VWA3B: variants seen among roughly 807,000 people sequenced by gnomAD.
The protein encoded by VWA3B is von Willebrand factor A domain-containing protein 3B.
A neutral mutation model predicts 158.3 loss-of-function variants in VWA3B; 138 were observed. The ratio of observed to expected loss-of-function variants is 0.87; its 90% CI spans 0.76 to 1.00. VWA3B has a LOEUF of 1.00. Among genes scored for constraint, VWA3B ranks in the 50% least tolerant of loss-of-function variants. The probability of loss-of-function intolerance (pLI) is 0.00; values close to 1 mark genes in which losing one functional copy is unlikely to be tolerated. For missense variants in VWA3B, 1,555 were observed against 1,565.1 expected, an observed-to-expected ratio of 0.99 and a Z score of 0.11; for synonymous variants, 596 against 587.3, an observed-to-expected ratio of 1.01 and a Z score of -0.21.
In VWA3B at chr2:98,119,745, C is replaced by G. The variant is rs763569152; in HGVS notation, c.524C>G (p.Thr175Ser). 2 of 1,613,940 alleles carry G rather than the reference C, an allele frequency of 1.2e-6. No individual in the cohort carries two copies. The highest frequency in any genetic ancestry group is 1.1e-5 in the South Asian group (1 of 91,062). ...CTCCAGGAGCAGGTGGCTCACATAA[C>G]CGAGTTCAATATCATACGGTGAGTT... ...MVLQEQVAHI[T>S]EFNIIRVSQE... The change falls in exon 4 of 28, where the codon ACC (threonine) becomes AGC (serine). Residue 175 changes from threonine (T) to serine (S), a missense_variant. Thr to Ser is a moderately conservative substitution (Grantham distance 58). Transcript: ENST00000477737.
intron 17 of VWA3B, among the ~76,000 whole-genome samples, chr2:98,235,004 T>C (rs1685582854): frequency 6.6e-6 from 1 of 152,194 alleles, no homozygotes; most frequent in Admixed American, 6.5e-5. Context: ...CTCACATAAC[T>C]ATGGTCATGC....
chr2:98,167,901 A>C (rs2105277000), intron 8 of VWA3B, among the ~76,000 whole-genome samples: 1 of 152,336 alleles, frequency 6.6e-6, no homozygotes, highest in South Asian at 2.1e-4. Flanking sequence ...AATTAGCTTT[A>C]AATTGAGCAC....
intron 8 of VWA3B, among the ~76,000 whole-genome samples, chr2:98,178,080 T>C (rs537000237): frequency 6.6e-6 from 1 of 152,322 alleles, no homozygotes; most frequent in East Asian, 1.9e-4. Context: ...CAAGGGTTTC[T>C]CCAAGGAGGC....
At chr2:98,310,127 C>G (rs1690798045) in intron 26 of VWA3B, among the ~76,000 whole-genome samples, 1 of 152,156 alleles carries the variant, frequency 6.6e-6, no homozygotes, top group Non-Finnish European at 1.5e-5. Context: ...AGTCTAAGAC[C>G]CCCCACCGGG....
intron 12 of VWA3B, among the ~76,000 whole-genome samples, chr2:98,196,109 A>G (rs969282187): frequency 7.9e-5 from 12 of 152,322 alleles, no homozygotes; most frequent in African/African-American, 2.6e-4. Context: ...ACCAGAGACT[A>G]GGAGCAGGGT....
intron 19 of VWA3B, among the ~76,000 whole-genome samples, chr2:98,239,160 T>C (rs1685899897): frequency 6.6e-6 from 1 of 152,178 alleles, no homozygotes; most frequent in Admixed American, 6.5e-5. Context: ...CCCAGCGAAT[T>C]CATATATTAC....
chr2:98,212,125 A>G (rs1683579784), intron 13 of VWA3B, 97 bp downstream of exon 13: 1 of 967,522 alleles, frequency 1.0e-6, no homozygotes, highest in Non-Finnish European at 1.6e-6. Flanking sequence ...GCCACCAAAA[A>G]TCTGTGGACA....
chr2:98,163,349 C>G (rs1012211681), intron 8 of VWA3B, among the ~76,000 whole-genome samples: 13 of 152,106 alleles, frequency 8.5e-5, no homozygotes, highest in African/African-American at 3.1e-4. Flanking sequence ...ACCATCCTGG[C>G]CAACATGGTG....
In VWA3B at chr2:98,118,553, A is replaced by C. The variant is rs566102322; in HGVS notation, c.292-960A>C. ...ACCGGGCCAATCAGATAGTAAAGAG[A>C]GCTCACTAAAAAGCTAATTAGGCAA... On this transcript the variant is annotated intron_variant, in intron 3 of 27. Coordinates refer to ENST00000477737, the MANE Select transcript of VWA3B (RefSeq NM_144992.5). Among the ~76,000 whole-genome samples, 11 of 152,270 alleles carry C rather than the reference A, an allele frequency of 7.2e-5. No homozygotes were observed. In the East Asian group the frequency reaches 2.1e-3, roughly 29 times the overall value.
chr2:98,140,104 G>C lies in VWA3B; in HGVS notation c.988+6165G>C, dbSNP rs202139389. Among the ~76,000 whole-genome samples the C allele has an allele frequency of 5.9e-5, 9 of 152,168 alleles. No homozygotes were observed. In the East Asian group the frequency reaches 1.4e-3, roughly 23 times the overall value. ...AGCCAGCGAGACCACGAACCCACCAGAAGGAAGAAACTCCGAACACATCCG... is the reference window on the plus strand; with the variant it reads ...AGCCAGCGAGACCACGAACCCACCACAAGGAAGAAACTCCGAACACATCCG... On this transcript the variant is annotated intron_variant, in intron 7 of 27. Coordinates refer to ENST00000477737, the MANE Select transcript of VWA3B (RefSeq NM_144992.5).
intron 22 of VWA3B, among the ~76,000 whole-genome samples, chr2:98,273,224 T>C (rs1159095901): frequency 6.6e-6 from 1 of 152,260 alleles, no homozygotes; most frequent in African/African-American, 2.4e-5. Context: ...CAAGTGATAC[T>C]GGTTTAGCCT....
rs2104955413 is a variant in VWA3B at position 98,119,121 on chromosome 2, A to T, written c.292-392A>T. 2.0e-5 allele frequency among the ~76,000 whole-genome samples: 3 copies of T among 152,280 alleles called. 1 individual carries two copies. In the South Asian group the frequency reaches 6.2e-4, roughly 32 times the overall value. Reference sequence around the variant, plus strand: ...TGGCATGTTCAGTAGCATTTTCAGAAATATTTTTGGAATGTTATGTTTAGG... The same window carrying T: ...TGGCATGTTCAGTAGCATTTTCAGATATATTTTTGGAATGTTATGTTTAGG... On this transcript the variant is annotated intron_variant, in intron 3 of 27. Coordinates refer to ENST00000477737, the MANE Select transcript of VWA3B (RefSeq NM_144992.5).
chr2:98,233,837 T>C (rs1011874378), intron 16 of VWA3B, among the ~76,000 whole-genome samples: 1 of 152,216 alleles, frequency 6.6e-6, no homozygotes, highest in Non-Finnish European at 1.5e-5. Context: ...AACTAGGTAC[T>C]TCTAAAGCCT....
At chr2:98,176,593 G>T (rs902932384) in intron 8 of VWA3B, among the ~76,000 whole-genome samples, 1 of 151,430 alleles carries the variant, frequency 6.6e-6, no homozygotes, top group African/African-American at 2.4e-5. Context: ...CTCCCCATGT[G>T]GTGGCCAAGA....
intron 8 of VWA3B, among the ~76,000 whole-genome samples, chr2:98,174,762 G>A (rs1401169148): frequency 6.6e-6 from 1 of 152,164 alleles, no homozygotes; most frequent in Non-Finnish European, 1.5e-5. Context: ...AGGGCCCTAA[G>A]CTCTCATCTT....
At chr2:98,173,673 AT>A (rs1264735285) in intron 8 of VWA3B, among the ~76,000 whole-genome samples, 1 of 152,248 alleles carries the variant, frequency 6.6e-6, no homozygotes, top group East Asian at 1.9e-4. Flanking sequence ...TTGTTAAAAA[AT>A]GACTGTGGAG....
chr2:98,281,903 G>A (rs1688899207), intron 22 of VWA3B, among the ~76,000 whole-genome samples: 1 of 152,188 alleles, frequency 6.6e-6, no homozygotes, highest in Admixed American at 6.5e-5. Flanking sequence ...CTAAACATAT[G>A]TTGGCTTATT....
intron 7 of VWA3B, among the ~76,000 whole-genome samples, chr2:98,148,259 TA>T (rs1677338871): frequency 6.6e-6 from 1 of 152,206 alleles, no homozygotes; most frequent in Admixed American, 6.5e-5. Flanking sequence ...TGAATTAGCA[TA>T]AAAATAGTAT....
intron 25 of VWA3B, 106 bp from the exon 26 acceptor site, chr2:98,303,596 G>A: frequency 9.9e-7 from 1 of 1,013,384 alleles, no homozygotes; most frequent in Non-Finnish European, 1.5e-6. Context: ...CCCTGAATAG[G>A]ATAATGACTA....
Sources: allele counts gnomAD v4.1 joint callset (sites outside exome capture counted in the v4.1 genomes callset), GRCh38; gene constraint gnomAD v4.1.1; transcripts MANE v1.5; gene names NCBI Gene and HGNC (gene_info 2026-07-23, HGNC 2026-07-21).